Variants in CA10 observed in about 807,000 individuals in gnomAD.
CA10 encodes carbonic anhydrase 10 (inactive), also known as carbonic anhydrase-related protein 10.
A neutral mutation model predicts 44.2 loss-of-function variants in CA10; 14 were observed. The observed-to-expected ratio is 0.32, with a 90% confidence interval of 0.21 to 0.50. CA10 has a LOEUF of 0.50. Ranked by LOEUF, CA10 falls within the 20% of genes least tolerant of loss-of-function variation. The pLI, the probability that CA10 is intolerant of heterozygous loss-of-function variation, is 0.99. For missense variants in CA10, 350 were observed against 409.7 expected, an observed-to-expected ratio of 0.85 and a Z score of 1.26; for synonymous variants, 159 against 141.6, an observed-to-expected ratio of 1.12 and a Z score of -0.87.
intron 2 of CA10, among the ~76,000 whole-genome samples, chr17:51,997,000 G>C (rs1345275536): frequency 3.3e-5 from 5 of 152,066 alleles, no homozygotes; most frequent in African/African-American, 1.2e-4. Context: ...ATGTAGGCTA[G>C]GGGTTCAGAG....
At chr17:51,654,865 A>AT (rs1218003462) in intron 4 of CA10, among the ~76,000 whole-genome samples, 2 of 152,036 alleles carry the variant, frequency 1.3e-5, no homozygotes, top group Admixed American at 6.6e-5. Context: ...CAGAAGCATA[A>AT]TTTTTTAACA....
At chr17:52,015,130 G>A (rs552297871) in intron 2 of CA10, among the ~76,000 whole-genome samples, 2 of 152,164 alleles carry the variant, frequency 1.3e-5, no homozygotes, top group South Asian at 2.1e-4. Flanking sequence ...CCCTTCTAGT[G>A]ACCAAGAAAA....
chr17:52,067,493 A>G (rs1295471720), intron 2 of CA10, among the ~76,000 whole-genome samples: 3 of 152,170 alleles, frequency 2.0e-5, no homozygotes, highest in Non-Finnish European at 4.4e-5. Context: ...GGCAGTGTGG[A>G]AGGGAAATGC....
intron 1 of CA10, among the ~76,000 whole-genome samples, chr17:52,083,085 G>A (rs1485110096): frequency 6.6e-6 from 1 of 152,154 alleles, no homozygotes; most frequent in Non-Finnish European, 1.5e-5. Context: ...AATGCTAGGA[G>A]CATACTAATA....
intron 3 of CA10, among the ~76,000 whole-genome samples, chr17:51,930,273 A>C (rs77714228): frequency 2.7e-5 from 4 of 149,966 alleles, no homozygotes; most frequent in Admixed American, 6.7e-5. Context: ...CTGCATGTGC[A>C]TTTTTTTTTT....
chr17:51,985,023 G>A (rs948183095), intron 2 of CA10, among the ~76,000 whole-genome samples: 1 of 151,944 alleles, frequency 6.6e-6, no homozygotes, highest in Non-Finnish European at 1.5e-5. Flanking sequence ...TATGAAGCCA[G>A]CATCACCCTA....
At chr17:51,673,851 TCAC>T (rs1914517050) in intron 4 of CA10, among the ~76,000 whole-genome samples, 1 of 152,168 alleles carries the variant, frequency 6.6e-6, no homozygotes, top group African/African-American at 2.4e-5. Flanking sequence ...ACCTCCAGCT[TCAC>T]CATTCACCTC....
intron 4 of CA10, among the ~76,000 whole-genome samples, chr17:51,654,509 T>A (rs747714796): frequency 6.6e-6 from 1 of 152,110 alleles, no homozygotes; most frequent in Non-Finnish European, 1.5e-5. Context: ...ATTCATCATC[T>A]CAGGGCTGTG....
rs572766042 is a variant in CA10, at chr17:52,125,558, C to A, written c.61+32168G>T. Among the ~76,000 whole-genome samples, 72 of 152,214 alleles carry A rather than the reference C, an allele frequency of 4.7e-4. 1 individual carries two copies. The highest frequency in any genetic ancestry group is 1.7e-3 in the African/African-American group (69 of 41,524). On this transcript the variant is annotated intron_variant, in intron 1 of 8. Coordinates refer to ENST00000451037, the MANE Select transcript of CA10 (RefSeq NM_020178.5). Reference sequence around the variant, plus strand: ...CCTTCCTGCCTGCCATCCAGGAGTACCCTATATGTAAATCTTAACTCATCT... The same window carrying A: ...CCTTCCTGCCTGCCATCCAGGAGTAACCTATATGTAAATCTTAACTCATCT...
intron 2 of CA10, among the ~76,000 whole-genome samples, chr17:51,938,129 A>C (rs1376422481): frequency 6.6e-6 from 1 of 152,196 alleles, no homozygotes; most frequent in Non-Finnish European, 1.5e-5. Flanking sequence ...TGGCTAAATT[A>C]CTAGGTGGCT....
chr17:52,083,617 T>C (rs905698963), intron 1 of CA10, among the ~76,000 whole-genome samples: 6 of 152,172 alleles, frequency 3.9e-5, no homozygotes, highest in African/African-American at 1.4e-4. Context: ...TATGTCCATG[T>C]GTATACATTT....
intron 3 of CA10, among the ~76,000 whole-genome samples, chr17:51,900,302 G>T (rs569728174): frequency 6.6e-6 from 1 of 152,222 alleles, no homozygotes; most frequent in East Asian, 1.9e-4. Context: ...AGTTTGGCAG[G>T]ATATCAAATT....
chr17:51,946,371 A>G (rs1407330484), intron 2 of CA10, among the ~76,000 whole-genome samples: 2 of 152,170 alleles, frequency 1.3e-5, no homozygotes, highest in Non-Finnish European at 2.9e-5. Context: ...AACTACTTCA[A>G]TCTACTGATC....
chr17:52,039,745 C>T (rs1467222191), intron 2 of CA10, among the ~76,000 whole-genome samples: 1 of 152,030 alleles, frequency 6.6e-6, no homozygotes, highest in Non-Finnish European at 1.5e-5. Context: ...GTAAAAGTAA[C>T]ACATTAGAGT....
intron 1 of CA10, among the ~76,000 whole-genome samples, chr17:52,087,050 C>T: frequency 6.6e-6 from 1 of 152,180 alleles, no homozygotes; most frequent in Non-Finnish European, 1.5e-5. Context: ...TCACCATTTG[C>T]CAGCCAATAA....
In CA10 at chr17:52,064,597, A is replaced by G. The variant is rs369153760; in HGVS notation, c.136+7722T>C. Among the ~76,000 whole-genome samples the G allele has an allele frequency of 1.2e-4, 18 of 152,108 alleles. No individual in the cohort carries two copies. The East Asian group carries it at 3.3e-3, about 28-fold the overall frequency. On this transcript the variant is annotated intron_variant, in intron 2 of 8. Transcript: ENST00000451037. ...TTTTTTTTAAAGTGGACATTTTGAT[A>G]AACAATTAGACATCAGTGGTAACTT... is the stretch of plus-strand genomic sequence containing the variant.
At chr17:51,766,902 A>G (rs891109818) in intron 3 of CA10, among the ~76,000 whole-genome samples, 3 of 152,174 alleles carry the variant, frequency 2.0e-5, no homozygotes, top group African/African-American at 7.2e-5. Context: ...ACATCCTGCC[A>G]GAGGTCCTCG....
Position 51,959,282 on chromosome 17 carries a change from C to CTGTGTGTGTGTG in CA10, c.137-28162_137-28151dup, listed in dbSNP as rs71149386. On this transcript the variant is annotated intron_variant, in intron 2 of 8. Coordinates refer to ENST00000451037, the MANE Select transcript of CA10 (RefSeq NM_020178.5). ...TTGTTCTCTCTCTCGCTCTCTCTCT[C>CTGTGTGTGTGTG]TGTGTGTGTGTGTGTGTGTGTGTGT... is the stretch of plus-strand genomic sequence containing the variant. Among the ~76,000 whole-genome samples, 5 of 134,454 alleles carry CTGTGTGTGTGTG rather than the reference C, an allele frequency of 3.7e-5. No individual in the cohort carries two copies. In the East Asian group the frequency reaches 1.1e-3, roughly 29 times the overall value. 88.2% of individuals were successfully genotyped at this position (134,454 alleles called of 152,430 possible).
chr17:52,040,781 C>T (rs768636425), intron 2 of CA10, among the ~76,000 whole-genome samples: 11 of 151,992 alleles, frequency 7.2e-5, no homozygotes, highest in Non-Finnish European at 1.6e-4. Flanking sequence ...GTGCAAGTTA[C>T]TGAAGAGGAA....
Sources: gnomAD v4.1 joint callset for allele counts (sites outside exome capture counted in the v4.1 genomes callset) on GRCh38, gnomAD v4.1.1 for gene constraint, MANE v1.5 for transcripts, NCBI Gene and HGNC (gene_info 2026-07-23, HGNC 2026-07-21) for gene names.